Variants in DIAPH2 observed in about 807,000 individuals in gnomAD.
DIAPH2 encodes protein diaphanous homolog 2.
A neutral mutation model predicts 92.7 loss-of-function variants in DIAPH2; 35 were observed. That is an observed-to-expected ratio of 0.38 (90% confidence interval 0.29 to 0.50). DIAPH2 has a LOEUF of 0.50. Among genes scored for constraint, DIAPH2 ranks in the 20% least tolerant of loss-of-function variants. The probability of loss-of-function intolerance (pLI) is 0.94; values close to 1 mark genes in which losing one functional copy is unlikely to be tolerated. For synonymous variants in DIAPH2, 301 were observed against 280.4 expected, an observed-to-expected ratio of 1.07 and a Z score of -0.73; for missense variants, 701 against 819.5, an observed-to-expected ratio of 0.86 and a Z score of 1.77.
intron 24 of DIAPH2, among the ~76,000 whole-genome samples, chrX:97,378,241 G>A (rs923561279): frequency 8.2e-5 from 9 of 109,997 alleles, no homozygotes; most frequent in Non-Finnish European, 1.5e-4. Flanking sequence ...AAATTATTTG[G>A]GCATGGTGTC....
At chrX:97,250,947 AAAAC>A (rs1041250199) in intron 23 of DIAPH2, among the ~76,000 whole-genome samples, 3 of 111,611 alleles carry the variant, frequency 2.7e-5, no homozygotes, top group African/African-American at 9.8e-5. Flanking sequence ...ACAAAAAACA[AAAAC>A]AAAAACAAAA....
intron 17 of DIAPH2, among the ~76,000 whole-genome samples, chrX:96,989,438 C>A (rs925854833): frequency 1.8e-5 from 2 of 111,722 alleles, no homozygotes; most frequent in South Asian, 3.7e-4. Flanking sequence ...AAGTTAGCAA[C>A]AAACCTGAAT....
At chrX:97,434,717 TACTAA>T (rs1212936631) in intron 26 of DIAPH2, among the ~76,000 whole-genome samples, 3 of 111,599 alleles carry the variant, frequency 2.7e-5, no homozygotes, top group African/African-American at 9.8e-5. Context: ...GCCGTAAGGT[TACTAA>T]ACTATTAAGA....
intron 17 of DIAPH2, among the ~76,000 whole-genome samples, chrX:96,999,175 G>C (rs2066125218): frequency 9.0e-6 from 1 of 111,131 alleles, no homozygotes. Context: ...GAAACTGTGG[G>C]CCAGTAATAA....
At chrX:97,552,195 A>G (rs955207064) in intron 26 of DIAPH2, among the ~76,000 whole-genome samples, 5 of 112,028 alleles carry the variant, frequency 4.5e-5, no homozygotes. Context: ...AGGGGAAAAA[A>G]GTTCCCTTCA....
chrX:97,554,911 AACTAGTCT>A (rs2071246351), intron 26 of DIAPH2, among the ~76,000 whole-genome samples: 1 of 111,601 alleles, frequency 9.0e-6, no homozygotes, highest in African/African-American at 3.3e-5. Context: ...CTGGCCCACA[AACTAGTCT>A]ACTCTACACA....
intron 4 of DIAPH2, among the ~76,000 whole-genome samples, chrX:96,766,020 T>C (rs777443571): frequency 1.8e-5 from 2 of 110,983 alleles, no homozygotes; most frequent in East Asian, 2.8e-4. Flanking sequence ...CATAGCACCA[T>C]GTTTATAGCT....
chrX:96,871,239 C>T (rs1338183479), intron 4 of DIAPH2, among the ~76,000 whole-genome samples: 4 of 110,099 alleles, frequency 3.6e-5, no homozygotes, highest in Admixed American at 9.7e-5. Context: ...GAGGCCGAGG[C>T]GGGAGGATCA....
At chrX:96,815,707 C>G (rs1362209298) in intron 4 of DIAPH2, among the ~76,000 whole-genome samples, 1 of 111,453 alleles carries the variant, frequency 9.0e-6, no homozygotes, top group Non-Finnish European at 1.9e-5. Flanking sequence ...TCTCTGTCGC[C>G]AGGCTGGAGT....
At chrX:97,332,378 CTCTTA>C (rs969875084) in intron 23 of DIAPH2, among the ~76,000 whole-genome samples, 3 of 111,671 alleles carry the variant, frequency 2.7e-5, no homozygotes, top group Non-Finnish European at 3.8e-5. Flanking sequence ...ACAGAATTGG[CTCTTA>C]TCTTTATTAG....
intron 26 of DIAPH2, among the ~76,000 whole-genome samples, chrX:97,433,579 C>T (rs1174936168): frequency 4.5e-5 from 5 of 111,631 alleles, no homozygotes; most frequent in South Asian, 7.5e-4. Context: ...GAAATGTACA[C>T]AGGTGATAAA....
intron 25 of DIAPH2, among the ~76,000 whole-genome samples, chrX:97,400,952 G>A (rs2069751088): frequency 9.6e-6 from 1 of 103,995 alleles, no homozygotes; most frequent in Non-Finnish European, 2.0e-5. Flanking sequence ...GGCTGGCCAC[G>A]AACTCCTGGG....
At chrX:96,949,122 T>C in intron 15 of DIAPH2, 83 bp downstream of exon 15, 2 of 585,191 alleles carry the variant, frequency 3.4e-6, no homozygotes, top group Non-Finnish European at 5.2e-6. Context: ...GAAGGAAAAA[T>C]GTGACCAGAA....
chrX:97,009,101 G>A (rs1322840936), intron 17 of DIAPH2, among the ~76,000 whole-genome samples: 1 of 110,371 alleles, frequency 9.1e-6, no homozygotes, highest in Admixed American at 9.7e-5. Flanking sequence ...TCTGCCTAGT[G>A]CTTTTTTCTG....
At chrX:97,367,612 T>G (rs1159522444) in intron 24 of DIAPH2, among the ~76,000 whole-genome samples, 3 of 112,165 alleles carry the variant, frequency 2.7e-5, no homozygotes, top group African/African-American at 9.7e-5. Flanking sequence ...TTTTTTTGTT[T>G]GTTTTATAAA....
intron 26 of DIAPH2, among the ~76,000 whole-genome samples, chrX:97,540,694 T>C (rs1300467667): frequency 1.8e-5 from 2 of 112,062 alleles, no homozygotes; most frequent in African/African-American, 6.5e-5. Flanking sequence ...TAAATAAATA[T>C]ACAAATCAAT....
intron 4 of DIAPH2, among the ~76,000 whole-genome samples, chrX:96,761,560 C>A (rs923298563): frequency 9.0e-6 from 1 of 111,119 alleles, no homozygotes; most frequent in African/African-American, 3.3e-5. Context: ...AACAGTTGAA[C>A]CCAGACATGG....
At chrX:96,913,379 TAGTG>T (rs1265438806) in intron 7 of DIAPH2, among the ~76,000 whole-genome samples, 4 of 111,615 alleles carry the variant, frequency 3.6e-5, no homozygotes, top group African/African-American at 9.7e-5. Flanking sequence ...ATGAACAAAA[TAGTG>T]AGTGCTTGTT....
At chrX:97,061,369 T>A (rs2066596140) in intron 17 of DIAPH2, among the ~76,000 whole-genome samples, 1 of 112,260 alleles carries the variant, frequency 8.9e-6, no homozygotes, top group Non-Finnish European at 1.9e-5. Flanking sequence ...TTTATTAGAT[T>A]GAATTTTCTC....
Sources: allele counts gnomAD v4.1 joint callset (sites outside exome capture counted in the v4.1 genomes callset), GRCh38; gene constraint gnomAD v4.1.1; transcripts MANE v1.5; gene names NCBI Gene and HGNC (gene_info 2026-07-23, HGNC 2026-07-21).